Variants in TMED3 observed in about 807,000 individuals in gnomAD.
The protein encoded by TMED3 is transmembrane p24 trafficking protein 3.
In TMED3, 9 loss-of-function variants were observed where a neutral mutation model predicts 15.0. The observed-to-expected ratio is 0.60, with a 90% confidence interval of 0.36 to 1.04. The LOEUF (loss-of-function observed/expected upper bound fraction) is 1.04. TMED3 is among the 50% of genes least tolerant of loss of function. The pLI is 0.01. For synonymous variants in TMED3, 117 were observed against 121.4 expected (o/e 0.96, Z 0.24); for missense variants, 267 against 278.9 (o/e 0.96, Z 0.30).
chr15:79,361,517 C>T (rs140418340), intron 2 of TMED3, among the ~76,000 whole-genome samples: 9 of 151,968 alleles, frequency 5.9e-5, no homozygotes, highest in Admixed American at 1.3e-4. Context: ...GCTATGAGGA[C>T]GCAAAGGCAT....
At chr15:79,361,723 A>T (rs11855533) in intron 2 of TMED3, among the ~76,000 whole-genome samples, 4 of 151,962 alleles carry the variant, frequency 2.6e-5, no homozygotes, top group African/African-American at 7.3e-5. Flanking sequence ...ATTAAAAAAA[A>T]AAAAATATTT....
At chr15:79,339,687 A>G (rs1183721030) in intron 2 of TMED3, among the ~76,000 whole-genome samples, 1 of 151,848 alleles carries the variant, frequency 6.6e-6, no homozygotes, top group African/African-American at 2.4e-5. Context: ...GATGGTGATG[A>G]TGGTGGTGAT....
exon 3 of TMED3, chr15:79,411,570 G>A (rs1394713310): frequency 5.8e-6 from 4 of 695,342 alleles, no homozygotes; most frequent in Non-Finnish European, 7.9e-6. Context: ...GCTGAAGTGG[G>A]AGGAAGCTGC....
intron 2 of TMED3, among the ~76,000 whole-genome samples, chr15:79,320,270 A>T (rs2058760553): frequency 6.6e-6 from 1 of 151,988 alleles, no homozygotes. Context: ...CTCAGCTCCT[A>T]TCTCTGTGTG....
intron 2 of TMED3, among the ~76,000 whole-genome samples, chr15:79,339,479 A>G (rs1269300629): frequency 2.0e-5 from 3 of 152,180 alleles, no homozygotes; most frequent in Non-Finnish European, 4.4e-5. Context: ...CCTACACTGT[A>G]CAAATATTAA....
At chr15:79,374,854 C>T (rs1437243039) in intron 2 of TMED3, among the ~76,000 whole-genome samples, 1 of 152,130 alleles carries the variant, frequency 6.6e-6, no homozygotes, top group Non-Finnish European at 1.5e-5. Flanking sequence ...GGATTCTGGA[C>T]CCCAAGAAAC....
At chr15:79,366,242 C>T (rs1184174492) in intron 2 of TMED3, among the ~76,000 whole-genome samples, 1 of 152,194 alleles carries the variant, frequency 6.6e-6, no homozygotes, top group African/African-American at 2.4e-5. Flanking sequence ...CAGCACTCTG[C>T]AGCCCAAGAA....
chr15:79,349,058 G>A (rs1167205967), intron 2 of TMED3, among the ~76,000 whole-genome samples: 3 of 152,078 alleles, frequency 2.0e-5, no homozygotes, highest in South Asian at 2.1e-4. Flanking sequence ...GGGTGGTCTC[G>A]AACTCCTGGG....
At chr15:79,319,784 G>T (rs995159784) in intron 2 of TMED3, among the ~76,000 whole-genome samples, 7 of 152,212 alleles carry the variant, frequency 4.6e-5, no homozygotes, top group Middle Eastern at 3.2e-3. Flanking sequence ...CTGCCTGGCA[G>T]CCAAGGCAGA....
At chr15:79,360,201 C>A (rs1292274382) in intron 2 of TMED3, among the ~76,000 whole-genome samples, 1 of 152,100 alleles carries the variant, frequency 6.6e-6, no homozygotes, top group African/African-American at 2.4e-5. Flanking sequence ...GGAGGACCCC[C>A]AAGATGTTGA....
At chr15:79,391,205 T>A (rs2141253677) in intron 2 of TMED3, among the ~76,000 whole-genome samples, 1 of 152,202 alleles carries the variant, frequency 6.6e-6, no homozygotes, top group Middle Eastern at 3.4e-3. Context: ...GCTCTTTCAG[T>A]CTTTTTGATG....
intron 2 of TMED3, among the ~76,000 whole-genome samples, chr15:79,360,844 A>ATTTAAT (rs1263027743): frequency 6.6e-6 from 1 of 152,118 alleles, no homozygotes; most frequent in East Asian, 1.9e-4. Context: ...CATGTAATTT[A>ATTTAAT]TTTTTTTAAT....
intron 2 of TMED3, among the ~76,000 whole-genome samples, chr15:79,376,305 A>C (rs1291020138): frequency 6.7e-6 from 1 of 150,004 alleles, no homozygotes; most frequent in African/African-American, 2.4e-5. Context: ...AGCTTTTGGC[A>C]TTCTTGGGTA....
intron 2 of TMED3, among the ~76,000 whole-genome samples, chr15:79,404,451 G>A (rs1055169205): frequency 1.3e-5 from 2 of 152,222 alleles, no homozygotes; most frequent in Non-Finnish European, 1.5e-5. Flanking sequence ...CCATTCATGG[G>A]TCCATTGCCC....
intron 2 of TMED3, among the ~76,000 whole-genome samples, chr15:79,354,612 A>C: frequency 7.1e-6 from 1 of 141,102 alleles, no homozygotes; most frequent in African/African-American, 2.8e-5. Flanking sequence ...CACTCCAATG[A>C]ATAGAAGAGG....
rs2058773241 is a variant in TMED3 at position 79,322,684 on chromosome 15, T to G, written c.*470T>G. ...CTCTGTACCTGAGGAAACCAGGCCC[T>G]GGGTGACTTTGCAGATCTGCTCACC... On this transcript the variant is annotated 3_prime_UTR_variant, in exon 3 of 3. Coordinates refer to ENST00000299705, the MANE Select transcript of TMED3 (RefSeq NM_007364.4). 3.0e-6 allele frequency: 3 copies of G among 987,008 alleles called. No homozygotes were observed. The highest frequency in any genetic ancestry group is 1.7e-5 in the African/African-American group (1 of 57,248). 61.1% of individuals were successfully genotyped at this position (987,008 alleles called of 1,614,324 possible).
At chr15:79,313,723 C>A in intron 1 of TMED3, 34 bp from the exon 2 acceptor site, 2 of 1,599,008 alleles carry the variant, frequency 1.3e-6, no homozygotes, top group Non-Finnish European at 1.7e-6. Flanking sequence ...GGTGGTTGCT[C>A]CTTTGATAAC....
intron 2 of TMED3, among the ~76,000 whole-genome samples, chr15:79,395,391 G>A (rs1044591614): frequency 2.6e-5 from 4 of 152,126 alleles, no homozygotes; most frequent in African/African-American, 9.7e-5. Context: ...ATATTGGCCA[G>A]GCTGGTCTCA....
chr15:79,342,033 A>G (rs1374899743), intron 2 of TMED3, among the ~76,000 whole-genome samples: 1 of 152,222 alleles, frequency 6.6e-6, no homozygotes, highest in African/African-American at 2.4e-5. Flanking sequence ...CACATTAAAG[A>G]TGAGAAAAAC....
Sources: allele counts gnomAD v4.1 joint callset (sites outside exome capture counted in the v4.1 genomes callset), GRCh38; gene constraint gnomAD v4.1.1; transcripts MANE v1.5; gene names NCBI Gene and HGNC (gene_info 2026-07-23, HGNC 2026-07-21).